Variants in GOLGA1 observed in about 807,000 individuals in gnomAD.
The protein encoded by GOLGA1 is golgin A1.
In GOLGA1, 63 loss-of-function variants were observed where a neutral mutation model predicts 119.7. The ratio of observed to expected loss-of-function variants is 0.53; its 90% CI spans 0.43 to 0.65. GOLGA1 has a LOEUF of 0.65. Ranked by LOEUF, GOLGA1 falls within the 30% of genes least tolerant of loss-of-function variation. The pLI is 0.00. For missense variants in GOLGA1, 798 were observed against 912.8 expected (o/e 0.87, Z 1.62); for synonymous variants, 318 against 333.4 (o/e 0.95, Z 0.50).
chr9:124,929,341 A>C (rs530023839), intron 4 of GOLGA1, 51 bp from the exon 5 acceptor site: 2 of 1,126,500 alleles, frequency 1.8e-6, no homozygotes, highest in East Asian at 4.7e-5. Context: ...ACATCAGGAA[A>C]GGAAGTTAAT....
At chr9:124,917,228 A>G (rs770895496) in intron 10 of GOLGA1, among the ~76,000 whole-genome samples, 52 of 152,344 alleles carry the variant, frequency 3.4e-4, no homozygotes, top group Non-Finnish European at 5.1e-4. Context: ...AAGGGCACAG[A>G]GGGAACCTCA....
intron 12 of GOLGA1, among the ~76,000 whole-genome samples, chr9:124,903,824 G>C (rs1266823371): frequency 6.6e-6 from 1 of 152,132 alleles, no homozygotes; most frequent in African/African-American, 2.4e-5. Flanking sequence ...GCCGAGGTGG[G>C]CGGGTCACAA....
rs16927749 is a variant in GOLGA1 at position 124,923,282 on chromosome 9, G to A, written c.433-59C>T. 3.4e-3 allele frequency: 4,718 copies of A among 1,384,806 alleles called. 142 individuals are homozygous for A. The African/African-American group carries it at 0.061, about 18-fold the overall frequency. The allele number at this position is 1,384,806 out of a possible 1,614,324, so 85.8% of individuals were successfully genotyped here. On this transcript the variant is annotated intron_variant, in intron 7 of 22. Transcript: ENST00000373555. ...CGAAAGCATTAGAAATCTGTATTAC[G>A]AAAGTGAAAATCTTTTCTTTTTTAA... is the stretch of plus-strand genomic sequence containing the variant.
chr9:124,884,074 C>T (rs56863687), intron 19 of GOLGA1, among the ~76,000 whole-genome samples: 32,635 of 151,280 alleles, frequency 0.22, 3,796 homozygotes, highest in Non-Finnish European at 0.24. Context: ...TGCAGTGGCA[C>T]GATCTCGGCT....
Position 124,912,006 on chromosome 9 carries a change from C to G in GOLGA1, c.864G>C (p.Glu288Asp), listed in dbSNP as rs1212273768. 1.9e-6 allele frequency: 3 copies of G among 1,613,516 alleles called. No homozygotes were observed. The highest frequency in any genetic ancestry group is 3.3e-5 in the Admixed American group (2 of 60,018). The change falls in exon 11 of 23, where the codon GAG (glutamate) becomes GAC (aspartate). Residue 288 changes from glutamate to aspartate, a missense_variant. Transcript: ENST00000373555. Reference sequence around the variant, plus strand: ...GCAAATGTGTGATAACGTCTTCTTTCTCTTGAGTTTCAGCAGTGACCTGCA... The same window carrying G: ...GCAAATGTGTGATAACGTCTTCTTTGTCTTGAGTTTCAGCAGTGACCTGCA... Reference protein sequence around the residue: ...DLQKVTAETQEKEDVITHLQE... With the variant: ...DLQKVTAETQDKEDVITHLQE...
chr9:124,880,216 TG>T lies in GOLGA1; in HGVS notation c.*313del, dbSNP rs1320597228. 6 of 236,962 alleles carry T rather than the reference TG, an allele frequency of 2.5e-5. 1 individual carries two copies. The highest frequency in any genetic ancestry group is 2.2e-4 in the South Asian group (4 of 18,104). The allele number at this position is 236,962 out of a possible 1,614,324, so 14.7% of individuals were successfully genotyped here. A position where few individuals can be genotyped will look rare whatever the true frequency, so the allele number is the denominator to read the frequency against. On this transcript the variant is annotated 3_prime_UTR_variant, in exon 23 of 23. Coordinates refer to ENST00000373555, the MANE Select transcript of GOLGA1 (RefSeq NM_002077.4). ...CCTGCCAGATGCTGATGGCTTCAGC[TG>T]TAAGTGCTACCGTGAAGTTAGAGGA...
intron 10 of GOLGA1, among the ~76,000 whole-genome samples, chr9:124,914,186 C>T (rs1322290628): frequency 6.6e-6 from 1 of 152,168 alleles, no homozygotes; most frequent in Admixed American, 6.5e-5. Context: ...AACAAGATTG[C>T]TGCAGCAATC....
At chr9:124,934,395 G>A (rs1404683004) in intron 3 of GOLGA1, among the ~76,000 whole-genome samples, 1 of 152,180 alleles carries the variant, frequency 6.6e-6, no homozygotes, top group East Asian at 1.9e-4. Flanking sequence ...CAGGTCAAGG[G>A]AGTTTGCTGG....
rs1427602940 is a variant in GOLGA1, at chr9:124,882,496, A to T, written c.1965+14T>A. ...GTGCTGGGAAGTGGGGCCAGCTCCCATGCGAGTACTCACCAGCTCCTTCTG... is the reference window on the plus strand; with the variant it reads ...GTGCTGGGAAGTGGGGCCAGCTCCCTTGCGAGTACTCACCAGCTCCTTCTG... On this transcript the variant is annotated intron_variant, in intron 20 of 22. Transcript: ENST00000373555. 1.6e-5 allele frequency: 25 copies of T among 1,601,976 alleles called. No individual in the cohort carries two copies. The highest frequency in any genetic ancestry group is 2.1e-5 in the Non-Finnish European group (25 of 1,170,444).
At chr9:124,943,767 A>C (rs1266667616), upstream of GOLGA1, 1 of 152,194 alleles carries the variant, frequency 6.6e-6, no homozygotes, top group African/African-American at 2.4e-5. Context: ...TGATTATCTT[A>C]ACCTTTAGTG....
chr9:124,901,662 G>A (rs899749775), intron 12 of GOLGA1, among the ~76,000 whole-genome samples: 2 of 151,544 alleles, frequency 1.3e-5, no homozygotes, highest in African/African-American at 2.4e-5. Context: ...GTCTCGATCT[G>A]CTGACCTCGT....
At chr9:124,898,944 C>CCAGCA (rs560191451) in intron 14 of GOLGA1, among the ~76,000 whole-genome samples, 57 of 152,200 alleles carry the variant, frequency 3.7e-4, no homozygotes, top group African/African-American at 1.2e-3. Context: ...GCCTATAATT[C>CCAGCA]CAGCACTTTG....
intron 12 of GOLGA1, among the ~76,000 whole-genome samples, chr9:124,902,550 G>T (rs1188165817): frequency 6.6e-6 from 1 of 151,088 alleles, no homozygotes; most frequent in African/African-American, 2.4e-5. Flanking sequence ...GCAGTGGCGC[G>T]ATCTCGGCTC....
chr9:124,882,123 G>C lies in GOLGA1; in HGVS notation c.1966-169C>G, dbSNP rs571690365. Among the ~76,000 whole-genome samples the C allele has an allele frequency of 5.3e-5, 8 of 152,320 alleles. No individual in the cohort carries two copies. In the South Asian group the frequency reaches 1.7e-3, roughly 32 times the overall value. On this transcript the variant is annotated intron_variant, in intron 20 of 22. Coordinates refer to ENST00000373555, the MANE Select transcript of GOLGA1 (RefSeq NM_002077.4). ...GCTTGAGGAGGGAGTGACATCGTTT[G>C]GGTAAATTCAGACATTCCGTTTTCC... is the stretch of plus-strand genomic sequence containing the variant.
chr9:124,883,072 C>T (rs1240682383), intron 19 of GOLGA1, among the ~76,000 whole-genome samples: 1 of 151,946 alleles, frequency 6.6e-6, no homozygotes, highest in Non-Finnish European at 1.5e-5. Context: ...AACTCATCAA[C>T]ATCCAGTTTT....
intron 9 of GOLGA1, 62 bp from the exon 10 acceptor site, chr9:124,921,302 T>A: frequency 1.1e-6 from 1 of 938,522 alleles, no homozygotes; most frequent in African/African-American, 1.6e-5. Flanking sequence ...TACAGTCTTC[T>A]GCAGGAAAAA....
At chr9:124,941,223 C>G (rs1281920785), upstream of GOLGA1, 1 of 152,326 alleles carries the variant, frequency 6.6e-6, no homozygotes, top group East Asian at 1.9e-4. Flanking sequence ...CTGGAGTTCT[C>G]GGGTGCCCAG....
At chr9:124,883,919 G>A (rs1462859536) in intron 19 of GOLGA1, among the ~76,000 whole-genome samples, 1 of 151,892 alleles carries the variant, frequency 6.6e-6, no homozygotes, top group Non-Finnish European at 1.5e-5. Context: ...AGTATTATGA[G>A]CCTTACATTT....
chr9:124,880,702 C>T (rs1172575499), intron 22 of GOLGA1, 92 bp from the exon 23 acceptor site: 8 of 780,432 alleles, frequency 1.0e-5, no homozygotes, highest in Non-Finnish European at 1.8e-5. Flanking sequence ...GAGCCTGTCA[C>T]TCCTGCCCCC....
Sources: allele counts gnomAD v4.1 joint callset (sites outside exome capture counted in the v4.1 genomes callset), GRCh38; gene constraint gnomAD v4.1.1; transcripts MANE v1.5; gene names NCBI Gene and HGNC (gene_info 2026-07-23, HGNC 2026-07-21).